The following IL3RA variants were observed in gnomAD, a reference collection of about 807,000 sequenced individuals.
IL3RA encodes the protein interleukin-3 receptor subunit alpha.
A neutral mutation model predicts 52.3 loss-of-function variants in IL3RA; 73 were observed. That is an observed-to-expected ratio of 1.40 (90% CI 1.16 to 1.70). The LOEUF is 1.70. Among genes scored for constraint, IL3RA ranks in the 40% most tolerant of loss-of-function variants. IL3RA has a pLI of 0.00. For synonymous variants in IL3RA, 260 were observed against 194.0 expected, an observed-to-expected ratio of 1.34 and a Z score of -2.83; for missense variants, 664 against 504.4, an observed-to-expected ratio of 1.32 and a Z score of -3.03.
intron 9 of IL3RA, among the ~76,000 whole-genome samples, chrX:1,366,569 CGGGTGAGCG>C (rs1328597150): frequency 9.4e-5 from 1 of 10,668 alleles, no homozygotes; most frequent in East Asian, 1.6e-3. Context: ...CGGGGTGAGC[CGGGTGAGCG>C]GGGTGAGCGG....
At chrX:1,357,199 C>A (rs2086799442) in intron 7 of IL3RA, among the ~76,000 whole-genome samples, 1 of 152,122 alleles carries the variant, frequency 6.6e-6, no homozygotes, top group African/African-American at 2.4e-5. Flanking sequence ...GGTGATCCAC[C>A]CGCCTCGGCC....
At chrX:1,379,674 C>T (rs2036186966) in intron 10 of IL3RA, among the ~76,000 whole-genome samples, 1 of 152,238 alleles carries the variant, frequency 6.6e-6, no homozygotes, top group South Asian at 2.1e-4. Flanking sequence ...CCTGGGCGAA[C>T]GTCACAGCTG....
At chrX:1,358,528 A>G in intron 7 of IL3RA, among the ~76,000 whole-genome samples, 1 of 152,052 alleles carries the variant, frequency 6.6e-6, no homozygotes, top group East Asian at 1.9e-4. Flanking sequence ...GCGTGGTGGC[A>G]CGCACCTGTA....
In IL3RA at chrX:1,365,266, G is replaced by A. The variant is rs1416083640; in HGVS notation, c.874+14G>A. On this transcript the variant is annotated intron_variant, in intron 9 of 11. Coordinates refer to ENST00000331035, the MANE Select transcript of IL3RA (RefSeq NM_002183.4). ...CCCAGCGCTTCGGTGAGTGGGCTGTGCGGGGTGCGCGGGGTGAGCGGGGTG... is the reference window on the plus strand; with the variant it reads ...CCCAGCGCTTCGGTGAGTGGGCTGTACGGGGTGCGCGGGGTGAGCGGGGTG... 8 of 1,558,254 alleles carry A rather than the reference G, an allele frequency of 5.1e-6. No homozygotes were observed. Among genetic ancestry groups the A allele is most frequent in the African/African-American group, 3.1e-5 (2 of 64,838 alleles).
chrX:1,356,541 A>G (rs56018536), intron 7 of IL3RA, among the ~76,000 whole-genome samples: 25,512 of 152,068 alleles, frequency 0.17, 2,241 homozygotes, highest in Non-Finnish European at 0.19. Flanking sequence ...AGGCTGAGGC[A>G]GGTGGATCAC....
chrX:1,379,763 TCTC>T (rs1457098761), intron 10 of IL3RA, among the ~76,000 whole-genome samples: 2 of 152,162 alleles, frequency 1.3e-5, no homozygotes, highest in African/African-American at 2.4e-5. Flanking sequence ...CCAGGTCCTG[TCTC>T]CTTTTTTTTA....
At chrX:1,360,261 CA>C (rs1569524552) in intron 8 of IL3RA, among the ~76,000 whole-genome samples, 2 of 38,500 alleles carry the variant, frequency 5.2e-5, no homozygotes, top group Non-Finnish European at 5.3e-5. Flanking sequence ...TTTCTCCCTC[CA>C]TCTTTCTCTC....
chrX:1,342,963 T>C (rs1466969496), intron 2 of IL3RA, among the ~76,000 whole-genome samples: 1 of 151,662 alleles, frequency 6.6e-6, no homozygotes, highest in African/African-American at 2.4e-5. Context: ...TAATCCCAGT[T>C]ACTCGGGAGG....
intron 9 of IL3RA, 22 bp downstream of exon 9, chrX:1,365,274 C>CGCGGGGTGAGCGGGGTGA (rs753171337): frequency 2.5e-5 from 35 of 1,423,966 alleles, no homozygotes; most frequent in East Asian, 2.7e-5. Flanking sequence ...GTGCGGGGTG[C>CGCGGGGTGAGCGGGGTGA]GCGGGGTGAG....
At chrX:1,341,342 C>T (rs1157322133) in intron 1 of IL3RA, among the ~76,000 whole-genome samples, 2 of 151,826 alleles carry the variant, frequency 1.3e-5, no homozygotes, top group African/African-American at 4.8e-5. Context: ...TATGTGTGCA[C>T]ACAGATACAC....
At chrX:1,368,325 C>T (rs1425775669) in intron 9 of IL3RA, among the ~76,000 whole-genome samples, 4 of 152,078 alleles carry the variant, frequency 2.6e-5, no homozygotes, top group Non-Finnish European at 5.9e-5. Flanking sequence ...TGACTCATGC[C>T]TGCCATCCCA....
chrX:1,345,419 C>T lies in IL3RA; in HGVS notation c.168C>T (p.Ala56=), dbSNP rs771555855. The change falls in exon 3 of 12, where the codon GCC becomes GCT. Residue 56 remains alanine, a synonymous_variant. Transcript: ENST00000331035. ...NVTDIECVKD[A]DYSMPAVNNS... is the part of the protein sequence containing the mutation. ...CCGATATCGAGTGTGTTAAAGACGC[C>T]GACTATTCTATGCCGGTAAATCATA... 5.5e-5 allele frequency: 88 copies of T among 1,598,456 alleles called. No homozygotes were observed. The highest frequency in any genetic ancestry group is 1.6e-4 in the East Asian group (7 of 44,616).
intron 8 of IL3RA, among the ~76,000 whole-genome samples, chrX:1,361,356 G>GT (rs1309859983): frequency 6.6e-6 from 1 of 152,080 alleles, no homozygotes; most frequent in African/African-American, 2.4e-5. Context: ...AACAAAAGAG[G>GT]GTTCCTGGAC....
intron 4 of IL3RA, among the ~76,000 whole-genome samples, 159 bp downstream of exon 4, chrX:1,348,704 C>CTCTTTCTT (rs1203615275): frequency 7.6e-5 from 6 of 79,086 alleles, no homozygotes; most frequent in African/African-American, 2.0e-4. Flanking sequence ...TTCTTTCTTT[C>CTCTTTCTT]TGTTTCTGTT....
chrX:1,350,840 G>C (rs1290720331), intron 4 of IL3RA, among the ~76,000 whole-genome samples: 1 of 149,462 alleles, frequency 6.7e-6, no homozygotes, highest in Admixed American at 6.7e-5. Context: ...CGGAGGTTGT[G>C]GTGAGCCATT....
chrX:1,365,842 G>C (rs1311930110), intron 9 of IL3RA, among the ~76,000 whole-genome samples: 2 of 35,326 alleles, frequency 5.7e-5, no homozygotes, highest in South Asian at 1.2e-3. Context: ...AGCCGGGTGC[G>C]CGGGGTGAGC....
intron 5 of IL3RA, 26 bp downstream of exon 5, chrX:1,352,258 G>T: frequency 2.5e-6 from 4 of 1,613,212 alleles, no homozygotes. Context: ...GGCAGAGGCC[G>T]GGCTGTCCCT....
At chrX:1,341,856 G>A (rs759643204) in intron 2 of IL3RA, 27 bp downstream of exon 2, 2 of 1,611,440 alleles carry the variant, frequency 1.2e-6, no homozygotes, top group South Asian at 1.1e-5. Context: ...AAATGCACGT[G>A]CCACCTGGGG....
intron 6 of IL3RA, among the ~76,000 whole-genome samples, chrX:1,355,328 A>G (rs1305197195): frequency 8.7e-6 from 1 of 114,420 alleles, no homozygotes; most frequent in Admixed American, 8.7e-5. Context: ...AGGAGGAGAA[A>G]GGAGAGTGGA....
Sources: gnomAD v4.1 joint callset for allele counts (sites outside exome capture counted in the v4.1 genomes callset) on GRCh38, gnomAD v4.1.1 for gene constraint, MANE v1.5 for transcripts, NCBI Gene and HGNC (gene_info 2026-07-23, HGNC 2026-07-21) for gene names.